PPP1R12A: variants seen among roughly 807,000 people sequenced by gnomAD.
The protein encoded by PPP1R12A is myosin binding subunit.
PPP1R12A carries 19 observed loss-of-function variants against 139.6 expected under a neutral mutation model. That is an observed-to-expected ratio of 0.14 (90% CI 0.09 to 0.20). PPP1R12A has a LOEUF of 0.20. PPP1R12A is among the 10% of genes least tolerant of loss of function. The probability of loss-of-function intolerance (pLI) is 1.00; values close to 1 mark genes in which losing one functional copy is unlikely to be tolerated. For missense variants in PPP1R12A, 925 were observed against 1,211.5 expected (o/e 0.76, Z 3.51); for synonymous variants, 427 against 420.6 (o/e 1.02, Z -0.19).
At chr12:79,796,723 C>A (rs1164170197) in intron 17 of PPP1R12A, 59 bp downstream of exon 17, 51 of 1,347,562 alleles carry the variant, frequency 3.8e-5, no homozygotes, top group Non-Finnish European at 4.5e-5. Flanking sequence ...ATTTAGGAAA[C>A]CCTAATCCAA....
intron 8 of PPP1R12A, among the ~76,000 whole-genome samples, chr12:79,818,179 C>T (rs550941696): frequency 6.6e-6 from 1 of 152,288 alleles, no homozygotes; most frequent in South Asian, 2.1e-4. Context: ...AGACAAAATA[C>T]CTTCACTTGC....
At position 79,820,766 on chromosome 12, in the gene PPP1R12A, A is replaced by G. The variant is rs201486630; in HGVS notation, c.1114+8T>C. 51 of 1,608,296 alleles carry G rather than the reference A, an allele frequency of 3.2e-5. No homozygotes were observed. In the African/African-American group the frequency reaches 4.6e-4, roughly 14 times the overall value. On this transcript the variant is annotated splice_region_variant and intron_variant, in intron 8 of 24. Coordinates refer to ENST00000450142, the MANE Select transcript of PPP1R12A (RefSeq NM_002480.3). ...TTCAACGAAAATGCATTTATCTTTT[A>G]ATTTTACCTGTTTCAGCTTCTGATT...
At chr12:79,905,842 T>C (rs2137498557) in intron 1 of PPP1R12A, among the ~76,000 whole-genome samples, 1 of 152,326 alleles carries the variant, frequency 6.6e-6, no homozygotes, top group Admixed American at 6.5e-5. Context: ...TCCATAGCTG[T>C]AATAAACTGA....
chr12:79,817,685 T>C (rs940666233), intron 8 of PPP1R12A, among the ~76,000 whole-genome samples, 167 bp from the exon 9 acceptor site: 1 of 152,210 alleles, frequency 6.6e-6, no homozygotes, highest in Non-Finnish European at 1.5e-5. Context: ...CTTCTAGACT[T>C]GTCTCTATAT....
intron 9 of PPP1R12A, among the ~76,000 whole-genome samples, chr12:79,817,026 TAG>T (rs1428789508): frequency 6.6e-6 from 1 of 151,988 alleles, no homozygotes; most frequent in East Asian, 1.9e-4. Context: ...CTCTACTTAA[TAG>T]AGATAAAGGA....
rs533153832 is a variant in PPP1R12A, at chr12:79,902,345, T to C, written c.238-29407A>G. ...GCCCTTTCATTAGTACTGCGTTTTATATATTATTTTATACATACAGTATTT... is the reference window on the plus strand; with the variant it reads ...GCCCTTTCATTAGTACTGCGTTTTACATATTATTTTATACATACAGTATTT... On this transcript the variant is annotated intron_variant, in intron 1 of 24. Coordinates refer to ENST00000450142, the MANE Select transcript of PPP1R12A (RefSeq NM_002480.3). 1.8e-4 allele frequency among the ~76,000 whole-genome samples: 28 copies of C among 152,264 alleles called. 1 individual carries two copies. In the South Asian group the frequency reaches 5.6e-3, roughly 30 times the overall value.
rs143639212 is a variant in PPP1R12A at position 79,923,616 on chromosome 12, G to C, written c.237+11079C>G. 2.4e-4 allele frequency among the ~76,000 whole-genome samples: 36 copies of C among 152,196 alleles called. No homozygotes were observed. The East Asian group carries it at 6.5e-3, about 28-fold the overall frequency. On this transcript the variant is annotated intron_variant, in intron 1 of 24. Transcript: ENST00000450142. Reference sequence around the variant, plus strand: ...AGCAAAGTCCAGTCCCGAAATTTTGGATAACATTTTATTTTTTACATTTGT... The same window carrying C: ...AGCAAAGTCCAGTCCCGAAATTTTGCATAACATTTTATTTTTTACATTTGT...
At chr12:79,818,345 G>A (rs1241115423) in intron 8 of PPP1R12A, among the ~76,000 whole-genome samples, 3 of 152,102 alleles carry the variant, frequency 2.0e-5, no homozygotes, top group South Asian at 2.1e-4. Context: ...AGGCTCAAGC[G>A]ATCTTCCCAC....
intron 2 of PPP1R12A, among the ~76,000 whole-genome samples, chr12:79,855,234 C>A (rs1350885408): frequency 6.6e-6 from 1 of 152,044 alleles, no homozygotes; most frequent in African/African-American, 2.4e-5. Flanking sequence ...GTGATCCGCC[C>A]GCCTCAGCCT....
At chr12:79,781,240 C>T (rs1870410766) in intron 23 of PPP1R12A, among the ~76,000 whole-genome samples, 1 of 152,052 alleles carries the variant, frequency 6.6e-6, no homozygotes. Flanking sequence ...GAATGTATTA[C>T]AATCAATAAA....
At chr12:79,906,180 G>A (rs1267109098) in intron 1 of PPP1R12A, among the ~76,000 whole-genome samples, 1 of 151,814 alleles carries the variant, frequency 6.6e-6, no homozygotes, top group African/African-American at 2.4e-5. Context: ...CCTAGAAACA[G>A]AATTGGAATG....
rs201714275 is a variant in PPP1R12A at position 79,857,270 on chromosome 12, A to G, written c.369-11850T>C. The stretch of plus-strand genomic sequence containing the variant: ...TGCAGCCATAAAAAATGATGAGTTC[A>G]TGTCCTTTGTAGGGACATGGATGAA... On this transcript the variant is annotated intron_variant, in intron 2 of 24. Transcript: ENST00000450142. Among the ~76,000 whole-genome samples, 482 of 152,264 alleles carry G rather than the reference A, an allele frequency of 3.2e-3. 23 individuals are homozygous for G. In the East Asian group the frequency reaches 0.086, roughly 27 times the overall value.
At chr12:79,919,143 C>A (rs951546160) in intron 1 of PPP1R12A, among the ~76,000 whole-genome samples, 1 of 152,054 alleles carries the variant, frequency 6.6e-6, no homozygotes, top group Non-Finnish European at 1.5e-5. Flanking sequence ...CTGTGCACTT[C>A]CAGATCTTTA....
At chr12:79,908,161 G>C (rs983559540) in intron 1 of PPP1R12A, among the ~76,000 whole-genome samples, 3 of 152,152 alleles carry the variant, frequency 2.0e-5, no homozygotes, top group African/African-American at 7.2e-5. Flanking sequence ...TTTAAACAAT[G>C]TTAACTCTTA....
At chr12:79,812,391 C>CGTGTGTGTGTGTGTGTGTGTGTGTGTGT (rs1156924649) in intron 9 of PPP1R12A, among the ~76,000 whole-genome samples, 1 of 134,510 alleles carries the variant, frequency 7.4e-6, no homozygotes, top group African/African-American at 2.9e-5. Flanking sequence ...TCTGTGTGTG[C>CGTGTGTGTGTGTGTGTGTGTGTGTGTGT]GTGTGTGTGT....
At chr12:79,894,377 T>C (rs754066698) in intron 1 of PPP1R12A, among the ~76,000 whole-genome samples, 3 of 152,178 alleles carry the variant, frequency 2.0e-5, no homozygotes, top group Admixed American at 6.5e-5. Flanking sequence ...TCTTTCTTTT[T>C]TGGAGTGGTG....
At position 79,845,604 on chromosome 12, in the gene PPP1R12A, G is replaced by A. The variant is rs1012352479; in HGVS notation, c.369-184C>T. On this transcript the variant is annotated intron_variant, in intron 2 of 24. Coordinates refer to ENST00000450142, the MANE Select transcript of PPP1R12A (RefSeq NM_002480.3). ...CACGCCTGTAATCCCAGCACTTTGG[G>A]AGGCCAAGGCAGGCGGATCACGAGG... Among the ~76,000 whole-genome samples, 5 of 152,266 alleles carry A rather than the reference G, an allele frequency of 3.3e-5. 1 individual carries two copies. In the Middle Eastern group the frequency reaches 0.014, roughly 414 times the overall value.
At chr12:79,908,347 T>C (rs183889366) in intron 1 of PPP1R12A, among the ~76,000 whole-genome samples, 1 of 152,228 alleles carries the variant, frequency 6.6e-6, no homozygotes, top group South Asian at 2.1e-4. Flanking sequence ...ACTCTAGCTT[T>C]AATTTTATTC....
intron 1 of PPP1R12A, among the ~76,000 whole-genome samples, chr12:79,897,220 G>A (rs374372255): frequency 2.6e-5 from 4 of 152,170 alleles, no homozygotes; most frequent in East Asian, 1.9e-4. Flanking sequence ...AAAAAATAAC[G>A]AAATCATGTC....
Sources: allele counts gnomAD v4.1 joint callset (sites outside exome capture counted in the v4.1 genomes callset), GRCh38; gene constraint gnomAD v4.1.1; transcripts MANE v1.5; gene names NCBI Gene and HGNC (gene_info 2026-07-23, HGNC 2026-07-21).